TICAM2: variants seen among roughly 807,000 people sequenced by gnomAD.
TICAM2 encodes TIR domain containing adaptor molecule 2.
In TICAM2, 8 loss-of-function variants were observed where a neutral mutation model predicts 7.3. That is an observed-to-expected ratio of 1.10 (90% CI 0.65 to 1.99). TICAM2 has a LOEUF of 1.99. Ranked by LOEUF, TICAM2 falls within the 30% of genes most tolerant of loss-of-function variation. The pLI is 0.00. For missense variants in TICAM2, 304 were observed against 278.8 expected, an observed-to-expected ratio of 1.09 and a Z score of -0.65; for synonymous variants, 113 against 99.6, an observed-to-expected ratio of 1.13 and a Z score of -0.80.
chr5:115,581,316 C>G lies in TICAM2; in HGVS notation c.-59-1G>C. The G allele has an allele frequency of 6.3e-7, 1 of 1,595,136 alleles. No individual in the cohort carries two copies. The highest frequency in any genetic ancestry group is 8.5e-7 in the Non-Finnish European group (1 of 1,177,672). On this transcript the variant is annotated splice_acceptor_variant, in intron 1 of 1. Coordinates refer to ENST00000427199, the MANE Select transcript of TICAM2 (RefSeq NM_021649.7). LOFTEE classifies it low-confidence loss of function (5UTR_SPLICE). Reference sequence around the variant, plus strand: ...GTATTTCTCAGCATTTCTTTTCAATCTAAAAGAAGTAACAAAACAGAAGAA... The same window carrying G: ...GTATTTCTCAGCATTTCTTTTCAATGTAAAAGAAGTAACAAAACAGAAGAA...
intron 1 of TICAM2, among the ~76,000 whole-genome samples, chr5:115,583,791 G>A (rs920593965): frequency 3.7e-4 from 57 of 152,300 alleles, no homozygotes; most frequent in Admixed American, 3.2e-3. Context: ...CTGGAACAAA[G>A]GAAAGGCATG....
intron 1 of TICAM2, among the ~76,000 whole-genome samples, chr5:115,595,199 G>A (rs532371500): frequency 6.6e-6 from 1 of 152,318 alleles, no homozygotes; most frequent in South Asian, 2.1e-4. Flanking sequence ...TGGACAGACA[G>A]ATGGATCAAT....
intron 1 of TICAM2, among the ~76,000 whole-genome samples, chr5:115,592,842 A>G (rs1024198031): frequency 2.6e-5 from 4 of 152,228 alleles, no homozygotes; most frequent in African/African-American, 9.6e-5. Flanking sequence ...TGATCTGACA[A>G]GTAAAAATTG....
intron 1 of TICAM2, among the ~76,000 whole-genome samples, chr5:115,582,371 A>T (rs1754960540): frequency 7.5e-6 from 1 of 133,320 alleles, no homozygotes; most frequent in Non-Finnish European, 1.6e-5. Flanking sequence ...ATGGGGTTTC[A>T]TATGTTGCCC....
chr5:115,589,458 A>C (rs17473792), intron 1 of TICAM2, among the ~76,000 whole-genome samples: 7,076 of 152,364 alleles, frequency 0.046, 193 homozygotes, highest in Middle Eastern at 0.12. Flanking sequence ...TTAGATTGAA[A>C]TAACATTCTT....
rs185071222 is a variant in TICAM2, at chr5:115,579,260, T to C, written c.*1289A>G. On this transcript the variant is annotated 3_prime_UTR_variant, in exon 2 of 2. Transcript: ENST00000427199. Reference sequence around the variant, plus strand: ...TATCGAATCCAAACTTTTTTGCTTGTTCCCTTTTGTGGTCCCTAGTTTTTC... The same window carrying C: ...TATCGAATCCAAACTTTTTTGCTTGCTCCCTTTTGTGGTCCCTAGTTTTTC... 1.3e-5 allele frequency: 2 copies of C among 152,756 alleles called. No individual in the cohort carries two copies. Among genetic ancestry groups the C allele is most frequent in the East Asian group, 3.9e-4 (2 of 5,186 alleles). The allele number at this position is 152,756 out of a possible 1,614,324, so 9.5% of individuals were successfully genotyped here. A position where few individuals can be genotyped will look rare whatever the true frequency, so the allele number is the denominator to read the frequency against.
rs1180117923 is a variant in TICAM2, at chr5:115,581,034, C to T, written c.223G>A (p.Glu75Lys). The change falls in exon 2 of 2, where the codon GAA becomes AAA. Residue 75 changes from glutamate (E) to lysine (K), a missense_variant. By Grantham distance (56) the Glu-to-Lys change is moderately conservative (BLOSUM62 1). Transcript: ENST00000427199. ...VEEMFEEEAE[E>K]EVFLKFVILH... ...ATCACAAATTTGAGGAACACCTCTT[C>T]TTCAGCTTCTTCTTCAAACATCTCT... 1 of 1,614,192 alleles carries T rather than the reference C, an allele frequency of 6.2e-7. No individual in the cohort carries two copies. Among genetic ancestry groups the T allele is most frequent in the Admixed American group, 1.7e-5 (1 of 60,028 alleles).
chr5:115,586,605 G>T (rs1755115769), intron 1 of TICAM2, among the ~76,000 whole-genome samples: 1 of 152,108 alleles, frequency 6.6e-6, no homozygotes, highest in South Asian at 2.1e-4. Flanking sequence ...GTCAAGTAGG[G>T]TGACCGATGA....
chr5:115,589,570 A>T (rs960873466), intron 1 of TICAM2, among the ~76,000 whole-genome samples: 1 of 152,192 alleles, frequency 6.6e-6, no homozygotes, highest in African/African-American at 2.4e-5. Context: ...AATATCAAAT[A>T]TTACCTATTG....
At chr5:115,602,070 GC>G (rs1755777598) in intron 1 of TICAM2, 26 bp downstream of exon 1, 1 of 151,514 alleles carries the variant, frequency 6.6e-6, no homozygotes, top group Non-Finnish European at 1.5e-5. Flanking sequence ...CCCGGCGGCG[GC>G]CCCCGCCCTA....
chr5:115,596,457 C>T lies in TICAM2; in HGVS notation c.-60+5640G>A, dbSNP rs1755514552. ...ATCTCATGCTTTTCTCCACTTTGTT[C>T]CTCCAGCTCCCTGCACATGGGTCTT... On this transcript the variant is annotated intron_variant, in intron 1 of 1. Transcript: ENST00000427199. 2.0e-5 allele frequency among the ~76,000 whole-genome samples: 3 copies of T among 152,196 alleles called. No homozygotes were observed. In the South Asian group the frequency reaches 6.2e-4, roughly 31 times the overall value.
Position 115,580,693 on chromosome 5 carries a change from G to A in TICAM2, c.564C>T (p.Ala188=). ...NPLPRERTPF[A]LQTINALEEE... is the part of the protein sequence containing the mutation. ...CCTCTAAGGCATTGATGGTTTGGAG[G>A]GCAAAGGGAGTCCTTTCTCGGGGAA... Residue 188 remains alanine, a synonymous_variant, in exon 2 of 2, where the codon GCC becomes GCT. Transcript: ENST00000427199. 6.3e-7 allele frequency: 1 copy of A among 1,595,594 alleles called. No individual in the cohort carries two copies. The highest frequency in any genetic ancestry group is 8.5e-7 in the Non-Finnish European group (1 of 1,173,274).
At position 115,580,791 on chromosome 5, in the gene TICAM2, A is replaced by G; in HGVS notation, c.466T>C (p.Ser156Pro). 1 of 1,597,570 alleles carries G rather than the reference A, an allele frequency of 6.3e-7. No individual in the cohort carries two copies. The highest frequency in any genetic ancestry group is 1.1e-5 in the South Asian group (1 of 88,500). The change falls in exon 2 of 2, where the codon TCC becomes CCC. Residue 156 changes from serine (S) to proline (P), a missense_variant. Ser to Pro is a moderately conservative substitution (Grantham distance 74). Transcript: ENST00000427199. Reference sequence around the variant, plus strand: ...TGCCTGTTAACGGAGTTCATTAGGGACGTATAGAACTGGAAATTACACCAA... The same window carrying G: ...TGCCTGTTAACGGAGTTCATTAGGGGCGTATAGAACTGGAAATTACACCAA... ...DTWCNFQFYTSLMNSVNRQHK... is the reference protein window; with the variant it reads ...DTWCNFQFYTPLMNSVNRQHK...
chr5:115,595,182 G>A (rs969464575), intron 1 of TICAM2, among the ~76,000 whole-genome samples: 3 of 152,136 alleles, frequency 2.0e-5, no homozygotes, highest in Admixed American at 6.5e-5. Context: ...CAGGGTAAAT[G>A]GACAGATGGA....
At position 115,580,111 on chromosome 5, in the gene TICAM2, A is replaced by G. The variant is rs1754861448; in HGVS notation, c.*438T>C. The G allele has an allele frequency of 1.3e-5, 2 of 155,110 alleles. No individual in the cohort carries two copies. Among genetic ancestry groups the G allele is most frequent in the Non-Finnish European group, 2.8e-5 (2 of 70,208 alleles). 9.6% of individuals were successfully genotyped at this position (155,110 alleles called of 1,614,324 possible). A position where few individuals can be genotyped will look rare whatever the true frequency, so the allele number is the denominator to read the frequency against. On this transcript the variant is annotated 3_prime_UTR_variant, in exon 2 of 2. Coordinates refer to ENST00000427199, the MANE Select transcript of TICAM2 (RefSeq NM_021649.7). ...TCTGGGTGATAGTACCCGAATGCTTATTGCAACATCCATGAGAGGTGCCTC... is the reference window on the plus strand; with the variant it reads ...TCTGGGTGATAGTACCCGAATGCTTGTTGCAACATCCATGAGAGGTGCCTC...
At position 115,580,964 on chromosome 5, in the gene TICAM2, T is replaced by G. The variant is rs1396980390; in HGVS notation, c.293A>C (p.Asn98Thr). ...DDTDEALRVQ[N>T]LLQDDFGIKP... ...GATACCAAAGTCATCTTGTAGCAGA[T>G]TCTGGACTCTGAGGGCTTCATCTGT... The change falls in exon 2 of 2, where the codon AAT becomes ACT. Residue 98 changes from asparagine (N) to threonine (T), a missense_variant. Physicochemically the swap from Asn to Thr is moderately conservative, Grantham distance 65 (BLOSUM62 0). Transcript: ENST00000427199. The G allele has an allele frequency of 6.2e-7, 1 of 1,612,720 alleles. No homozygotes were observed. Among genetic ancestry groups the G allele is most frequent in the East Asian group, 2.2e-5 (1 of 44,880 alleles).
intron 1 of TICAM2, among the ~76,000 whole-genome samples, chr5:115,585,397 G>A (rs764479580): frequency 6.6e-6 from 1 of 152,212 alleles, no homozygotes; most frequent in South Asian, 2.1e-4. Flanking sequence ...ATTGTGCCAG[G>A]ATGTAAATCA....
intron 1 of TICAM2, among the ~76,000 whole-genome samples, chr5:115,601,203 G>A (rs865959516): frequency 6.6e-6 from 1 of 152,084 alleles, no homozygotes; most frequent in Middle Eastern, 3.4e-3. Context: ...AACCACCATG[G>A]CACACGTTTA....
chr5:115,599,851 T>C (rs1330477621), intron 1 of TICAM2, among the ~76,000 whole-genome samples: 2 of 152,004 alleles, frequency 1.3e-5, no homozygotes, highest in Non-Finnish European at 2.9e-5. Flanking sequence ...GTTTTTCTTT[T>C]CTTTTTTTTT....
Sources: gnomAD v4.1 joint callset for allele counts (sites outside exome capture counted in the v4.1 genomes callset) on GRCh38, gnomAD v4.1.1 for gene constraint, MANE v1.5 for transcripts, NCBI Gene and HGNC (gene_info 2026-07-23, HGNC 2026-07-21) for gene names.